The following ADAMTS18 variants were observed in gnomAD, a reference collection of about 807,000 sequenced individuals.
ADAMTS18 encodes ADAM metallopeptidase with thrombospondin type 1 motif 18.
Under a neutral mutation model 165.9 loss-of-function variants are expected in ADAMTS18, and 157 were observed. That is an observed-to-expected ratio of 0.95 (90% CI 0.83 to 1.08). The LOEUF is 1.08. ADAMTS18 is among the 50% of genes least tolerant of loss of function. The pLI, the probability that ADAMTS18 is intolerant of heterozygous loss-of-function variation, is 0.00. For synonymous variants in ADAMTS18, 782 were observed against 578.2 expected (o/e 1.35, Z -5.06); for missense variants, 2,040 against 1,534.0 (o/e 1.33, Z -5.51).
At position 77,335,843 on chromosome 16, in the gene ADAMTS18, T is replaced by C. The variant is rs2144675236; in HGVS notation, c.1772A>G (p.Gln591Arg). The C allele has an allele frequency of 1.9e-6, 3 of 1,614,186 alleles. No homozygotes were observed. The East Asian group carries it at 6.7e-5, about 36-fold the overall frequency. The change falls in exon 12 of 23, where the codon CAG (glutamine) becomes CGG (arginine). Residue 591 changes from glutamine to arginine, a missense_variant. Transcript: ENST00000282849. ...GELGPRPIHG[Q>R]WSAWSKWSEC... ...TGACCACTTCGACCAGGCGGACCAC[T>C]GGCCGTGGATGGGCCGGGGCCCGAG...
chr16:77,373,291 A>G lies in ADAMTS18; in HGVS notation c.496-5568T>C, dbSNP rs2056902205. Among the ~76,000 whole-genome samples, 4 of 151,942 alleles carry G rather than the reference A, an allele frequency of 2.6e-5. No individual in the cohort carries two copies. The South Asian group carries it at 8.3e-4, about 32-fold the overall frequency. ...AGATTGAGAACATCCTGGCTAACAC[A>G]GTGAAACCCTGTCTCTACTAAAAAT... On this transcript the variant is annotated intron_variant, in intron 3 of 22. Coordinates refer to ENST00000282849, the MANE Select transcript of ADAMTS18 (RefSeq NM_199355.4).
chr16:77,390,534 A>T (rs1207460592), intron 3 of ADAMTS18, among the ~76,000 whole-genome samples: 1 of 152,090 alleles, frequency 6.6e-6, no homozygotes, highest in African/African-American at 2.4e-5. Flanking sequence ...TACTAAAAAC[A>T]CAAAAATTAG....
chr16:77,286,410 T>A (rs1436213224), intron 22 of ADAMTS18, among the ~76,000 whole-genome samples: 1 of 152,210 alleles, frequency 6.6e-6, no homozygotes, highest in East Asian at 1.9e-4. Flanking sequence ...GCCGTGCCTG[T>A]TTATTTTGTA....
At position 77,284,915 on chromosome 16, in the gene ADAMTS18, A is replaced by G. The variant is rs572732906; in HGVS notation, c.3551-844T>C. Among the ~76,000 whole-genome samples the G allele has an allele frequency of 2.0e-5, 3 of 152,250 alleles. No homozygotes were observed. In the East Asian group the frequency reaches 5.8e-4, roughly 29 times the overall value. The stretch of plus-strand genomic sequence containing the variant: ...AGTCAAGCCACCTTATTTGCCTGCA[A>G]ATGGGTTGAGATTAACTGAAAAAGC... On this transcript the variant is annotated intron_variant, in intron 22 of 22. Coordinates refer to ENST00000282849, the MANE Select transcript of ADAMTS18 (RefSeq NM_199355.4).
chr16:77,354,216 T>G (rs1186664934), intron 9 of ADAMTS18, among the ~76,000 whole-genome samples: 1 of 152,190 alleles, frequency 6.6e-6, no homozygotes, highest in Non-Finnish European at 1.5e-5. Flanking sequence ...CAATTTGTAC[T>G]GAGTCCCTAC....
intron 3 of ADAMTS18, among the ~76,000 whole-genome samples, chr16:77,418,537 A>AGT (rs2144843187): frequency 6.6e-6 from 1 of 152,292 alleles, no homozygotes; most frequent in Admixed American, 6.5e-5. Context: ...ATCCATCCTA[A>AGT]CAAACCAATA....
At chr16:77,359,184 G>T (rs1005540959) in intron 8 of ADAMTS18, 134 bp downstream of exon 8, 1 of 823,778 alleles carries the variant, frequency 1.2e-6, no homozygotes, top group Non-Finnish European at 2.0e-6. Context: ...CCTTTGTATA[G>T]TCAGAAACTA....
At chr16:77,421,488 T>C (rs903350203) in intron 3 of ADAMTS18, among the ~76,000 whole-genome samples, 1 of 152,268 alleles carries the variant, frequency 6.6e-6, no homozygotes, top group Non-Finnish European at 1.5e-5. Context: ...TCAGTACCAC[T>C]TTCTCTTAAA....
At chr16:77,335,948 G>T (rs759588456) in intron 11 of ADAMTS18, 44 bp from the exon 12 acceptor site, 1 of 1,613,434 alleles carries the variant, frequency 6.2e-7, no homozygotes, top group African/African-American at 1.3e-5. Flanking sequence ...GAGACCACCT[G>T]GGAAAGCGCA....
intron 3 of ADAMTS18, among the ~76,000 whole-genome samples, chr16:77,409,145 C>T (rs2057429693): frequency 6.6e-6 from 1 of 152,002 alleles, no homozygotes; most frequent in African/African-American, 2.4e-5. Flanking sequence ...TGGAACGTAT[C>T]CTCTGAGGAT....
chr16:77,291,232 T>A (rs1241287320), intron 21 of ADAMTS18, 34 bp downstream of exon 21: 1 of 1,610,986 alleles, frequency 6.2e-7, no homozygotes, highest in African/African-American at 1.3e-5. Flanking sequence ...ACATCTCACT[T>A]GAATAGACAC....
intron 12 of ADAMTS18, among the ~76,000 whole-genome samples, chr16:77,334,789 A>AATATACTATAGTATACAGTAT (rs2056274690): frequency 1.3e-4 from 3 of 23,938 alleles, no homozygotes; most frequent in Non-Finnish European, 2.4e-4. Context: ...GTATACAGTA[A>AATATACTATAGTATACAGTAT]ATATACTATA....
chr16:77,330,668 C>T (rs1454985518), intron 12 of ADAMTS18, among the ~76,000 whole-genome samples: 2 of 152,194 alleles, frequency 1.3e-5, no homozygotes, highest in Non-Finnish European at 2.9e-5. Flanking sequence ...TTACATGGGA[C>T]AAAGGATGTC....
intron 3 of ADAMTS18, among the ~76,000 whole-genome samples, chr16:77,399,310 TA>T (rs2057297318): frequency 6.6e-6 from 1 of 152,180 alleles, no homozygotes; most frequent in African/African-American, 2.4e-5. Flanking sequence ...AGGAGGAAAG[TA>T]GGCCAGAGAG....
At chr16:77,303,832 G>A (rs555119121) in intron 16 of ADAMTS18, among the ~76,000 whole-genome samples, 46 of 152,306 alleles carry the variant, frequency 3.0e-4, no homozygotes, top group Admixed American at 1.2e-3. Context: ...AGGAGATCGA[G>A]ACCATTCTAA....
At chr16:77,310,987 T>A (rs2055769338) in intron 16 of ADAMTS18, among the ~76,000 whole-genome samples, 1 of 152,038 alleles carries the variant, frequency 6.6e-6, no homozygotes, top group Non-Finnish European at 1.5e-5. Context: ...TGAGAGGAAG[T>A]GAACAGAAGA....
At chr16:77,316,345 C>G (rs574744484) in intron 16 of ADAMTS18, among the ~76,000 whole-genome samples, 3 of 152,134 alleles carry the variant, frequency 2.0e-5, no homozygotes, top group Admixed American at 1.3e-4. Context: ...ACCTCTGCCT[C>G]CTGGGTTCAA....
intron 3 of ADAMTS18, among the ~76,000 whole-genome samples, chr16:77,387,495 G>C (rs1272516515): frequency 2.0e-5 from 3 of 152,296 alleles, no homozygotes; most frequent in South Asian, 4.1e-4. Flanking sequence ...TACACACACA[G>C]AGGAAGCTCT....
intron 3 of ADAMTS18, among the ~76,000 whole-genome samples, chr16:77,407,595 C>A (rs757509110): frequency 2.0e-5 from 3 of 152,124 alleles, no homozygotes; most frequent in Non-Finnish European, 4.4e-5. Context: ...AGAATAAAGA[C>A]TTTTTTAAAA....
Sources: gnomAD v4.1 joint callset for allele counts (sites outside exome capture counted in the v4.1 genomes callset) on GRCh38, gnomAD v4.1.1 for gene constraint, MANE v1.5 for transcripts, NCBI Gene and HGNC (gene_info 2026-07-23, HGNC 2026-07-21) for gene names.